Variants in FAM98B observed in about 807,000 individuals in gnomAD.
FAM98B encodes the protein tRNA-splicing ligase complex subunit FAM98B.
FAM98B carries 32 observed loss-of-function variants against 43.9 expected under a neutral mutation model. That is an observed-to-expected ratio of 0.73 (90% CI 0.55 to 0.98). The LOEUF (loss-of-function observed/expected upper bound fraction) is 0.98, where lower values mean the gene tolerates loss of function less well. Ranked by LOEUF, FAM98B falls within the 50% of genes least tolerant of loss-of-function variation. The pLI, the probability that FAM98B is intolerant of heterozygous loss-of-function variation, is 0.00. For missense variants in FAM98B, 514 were observed against 522.9 expected (o/e 0.98, Z 0.17); for synonymous variants, 190 against 174.0 (o/e 1.09, Z -0.72).
chr15:38,454,858 C>T (rs1189311991), intron 1 of FAM98B, among the ~76,000 whole-genome samples: 1 of 152,194 alleles, frequency 6.6e-6, no homozygotes, highest in Non-Finnish European at 1.5e-5. Flanking sequence ...CATAGTCGCG[C>T]AGGCTGCAAG....
chr15:38,454,505 G>C (rs1182243534), intron 1 of FAM98B, among the ~76,000 whole-genome samples: 5 of 152,246 alleles, frequency 3.3e-5, no homozygotes, highest in African/African-American at 1.2e-4. Flanking sequence ...GGGTGGCGCG[G>C]AGCGGCCCTT....
intron 1 of FAM98B, among the ~76,000 whole-genome samples, chr15:38,463,622 G>A (rs1199717899): frequency 1.3e-5 from 2 of 151,908 alleles, no homozygotes; most frequent in African/African-American, 2.4e-5. Context: ...TTTGTAATTT[G>A]TGTCTGTGCT....
intron 4 of FAM98B, 127 bp from the exon 5 acceptor site, chr15:38,473,378 T>C: frequency 1.6e-6 from 1 of 624,686 alleles, no homozygotes. Context: ...TGGTATATGA[T>C]GGTATATTTT....
chr15:38,459,642 C>T (rs1889913943), intron 1 of FAM98B: 2 of 197,360 alleles, frequency 1.0e-5, no homozygotes, highest in South Asian at 8.6e-5. Context: ...ACTCCTGAGA[C>T]TCCCGACTCC....
chr15:38,481,859 C>A (rs1176341246), intron 7 of FAM98B: 5 of 320,496 alleles, frequency 1.6e-5, no homozygotes, highest in Non-Finnish European at 2.3e-5. Flanking sequence ...GGGTTCCCAT[C>A]CTGGCTCTGT....
intron 2 of FAM98B, among the ~76,000 whole-genome samples, chr15:38,464,697 G>A (rs911645792): frequency 9.9e-5 from 15 of 151,916 alleles, no homozygotes; most frequent in African/African-American, 1.5e-4. Flanking sequence ...GTAGAATTTC[G>A]GATATTAATA....
intron 6 of FAM98B, among the ~76,000 whole-genome samples, chr15:38,476,094 G>A (rs1890195639): frequency 2.6e-5 from 4 of 152,128 alleles, no homozygotes; most frequent in Admixed American, 2.6e-4. Context: ...GTGCATAGGA[G>A]GTGATTTTTG....
chr15:38,470,850 G>C (rs1403073354), intron 4 of FAM98B, among the ~76,000 whole-genome samples: 1 of 152,054 alleles, frequency 6.6e-6, no homozygotes, highest in Non-Finnish European at 1.5e-5. Flanking sequence ...TGTTTAGTAA[G>C]AGTAAGTGCA....
intron 1 of FAM98B, among the ~76,000 whole-genome samples, chr15:38,458,549 G>A (rs1889888879): frequency 6.6e-6 from 1 of 152,208 alleles, no homozygotes; most frequent in Non-Finnish European, 1.5e-5. Flanking sequence ...CAACTCGGGA[G>A]CAGGTAGTTC....
At chr15:38,467,407 C>T (rs1342302855) in intron 3 of FAM98B, among the ~76,000 whole-genome samples, 1 of 152,118 alleles carries the variant, frequency 6.6e-6, no homozygotes, top group African/African-American at 2.4e-5. Context: ...AACACGCATT[C>T]TACAGAAAAT....
Position 38,484,433 on chromosome 15 carries a change from G to GA in FAM98B, c.1076_1077insA (p.Trp359Ter). Residue 359 changes from tryptophan to a stop codon, truncating the protein, a stop_gained and frameshift_variant, in exon 8 of 8, where the codon TGG (tryptophan) becomes TGAG (stop). Coordinates refer to ENST00000397609, the MANE Select transcript of FAM98B (RefSeq NM_173611.4). LOFTEE classifies it low-confidence loss of function (END_TRUNC). ...GGGGGGGRGG[W>*]GGGGGGWGGG... ...GGGGGTGGGGGTGGGAGAGGTGGCTGGGGGGGTGGAGGAGGAGGTTGGGGA... is the reference window on the plus strand; with the variant it reads ...GGGGGTGGGGGTGGGAGAGGTGGCTGAGGGGGGTGGAGGAGGAGGTTGGGGA... The GA allele has an allele frequency of 2.4e-6, 2 of 848,766 alleles. No homozygotes were observed. The highest frequency in any genetic ancestry group is 2.8e-6 in the Non-Finnish European group (2 of 706,664). The allele number at this position is 848,766 out of a possible 1,614,324, so 52.6% of individuals were successfully genotyped here.
chr15:38,463,491 AAAAATAAAATAAAAT>A (rs10682998), intron 1 of FAM98B, among the ~76,000 whole-genome samples: 2,123 of 140,824 alleles, frequency 0.015, 43 homozygotes, highest in African/African-American at 0.051. Context: ...ACCCTGCCTC[AAAAATAAAATAAAAT>A]AAAATAAAAT....
chr15:38,485,236 T>C lies in FAM98B; in HGVS notation c.*577T>C, dbSNP rs1890351882. ...AGCCATGTTTCTGTTAAAGTTTCATTAATTGAAGCCCAAGTTTACTTTTTA... is the reference window on the plus strand; with the variant it reads ...AGCCATGTTTCTGTTAAAGTTTCATCAATTGAAGCCCAAGTTTACTTTTTA... On this transcript the variant is annotated 3_prime_UTR_variant, in exon 8 of 8. Transcript: ENST00000397609. The C allele has an allele frequency of 6.6e-6, 1 of 152,242 alleles. No homozygotes were observed. The highest frequency in any genetic ancestry group is 1.5e-5 in the Non-Finnish European group (1 of 68,050). The allele number at this position is 152,242 out of a possible 1,614,324, so 9.4% of individuals were successfully genotyped here. A position where few individuals can be genotyped will look rare whatever the true frequency, so the allele number is the denominator to read the frequency against.
chr15:38,479,318 T>C (rs1187357241), intron 6 of FAM98B, among the ~76,000 whole-genome samples: 2 of 152,190 alleles, frequency 1.3e-5, no homozygotes, highest in Non-Finnish European at 2.9e-5. Flanking sequence ...GTCTGTTCAC[T>C]GTGTTGTGTA....
Position 38,463,939 on chromosome 15 carries a change from C to T in FAM98B, c.72-93C>T, listed in dbSNP as rs543290662. 6 of 1,215,122 alleles carry T rather than the reference C, an allele frequency of 4.9e-6. No individual in the cohort carries two copies. The South Asian group carries it at 1.1e-4, about 23-fold the overall frequency. The allele number at this position is 1,215,122 out of a possible 1,614,324, so 75.3% of individuals were successfully genotyped here. On this transcript the variant is annotated intron_variant, in intron 1 of 7. Transcript: ENST00000397609. ...CTGTGTTCCAATAACATTTTATTTACAAAAACAAGCAGCAGACCTTGACAC... is the reference window on the plus strand; with the variant it reads ...CTGTGTTCCAATAACATTTTATTTATAAAAACAAGCAGCAGACCTTGACAC...
Position 38,484,627 on chromosome 15 carries a change from G to T in FAM98B, c.1270G>T (p.Gly424Cys). The T allele has an allele frequency of 6.6e-7, 1 of 1,513,336 alleles. No homozygotes were observed. Among genetic ancestry groups the T allele is most frequent in the Admixed American group, 2.5e-5 (1 of 39,912 alleles). The allele number at this position is 1,513,336 out of a possible 1,614,324, so 93.7% of individuals were successfully genotyped here. ...YGGGGGGGGG[G>C]GGGGGYRRY is the part of the protein sequence containing the mutation. The stretch of plus-strand genomic sequence containing the variant: ...AGGAGGTGGTGGTGGTGGTGGTGGT[G>T]GTGGTGGAGGAGGTGGATATAGAAG... The change falls in exon 8 of 8, where the codon GGT (glycine) becomes TGT (cysteine). Residue 424 changes from glycine to cysteine, a missense_variant. Around this residue, in one of 2 missense-constraint regions of FAM98B, gnomAD observed 45 missense variants for 71.1 expected, o/e 0.63. Transcript: ENST00000397609.
At chr15:38,466,875 C>T (rs1890041715) in intron 3 of FAM98B, among the ~76,000 whole-genome samples, 1 of 152,152 alleles carries the variant, frequency 6.6e-6, no homozygotes. Flanking sequence ...ACACACAACA[C>T]TCTCACACTC....
intron 1 of FAM98B, among the ~76,000 whole-genome samples, chr15:38,456,293 G>A (rs1278039297): frequency 1.3e-5 from 2 of 152,206 alleles, no homozygotes; most frequent in African/African-American, 4.8e-5. Flanking sequence ...TCTCAACACT[G>A]GAAGTACATC....
intron 1 of FAM98B, among the ~76,000 whole-genome samples, chr15:38,457,092 A>T (rs1258319231): frequency 6.6e-6 from 1 of 152,254 alleles, no homozygotes; most frequent in Non-Finnish European, 1.5e-5. Context: ...GAAAGAAATG[A>T]TGGTTGCTTA....
Sources: gnomAD v4.1 joint callset for allele counts (sites outside exome capture counted in the v4.1 genomes callset) on GRCh38, gnomAD v4.1.1 for gene constraint, gnomAD v4.1.1 regional missense constraint, MANE v1.5 for transcripts, NCBI Gene and HGNC (gene_info 2026-07-23, HGNC 2026-07-21) for gene names.